The following SLIT3 variants were observed in gnomAD, a reference collection of about 807,000 sequenced individuals.
SLIT3 encodes the protein slit guidance ligand 3.
A neutral mutation model predicts 184.0 loss-of-function variants in SLIT3; 68 were observed. The observed-to-expected ratio is 0.37, with a 90% CI of 0.30 to 0.45. The LOEUF is 0.45. Ranked by LOEUF, SLIT3 falls within the 20% of genes least tolerant of loss-of-function variation. SLIT3 has a pLI of 1.00. For synonymous variants in SLIT3, 831 were observed against 828.6 expected (o/e 1.00, Z -0.05); for missense variants, 1,707 against 2,026.0 (o/e 0.84, Z 3.02).
At chr5:168,923,501 C>T (rs1200761802) in intron 4 of SLIT3, among the ~76,000 whole-genome samples, 2 of 151,074 alleles carry the variant, frequency 1.3e-5, no homozygotes, top group Non-Finnish European at 2.9e-5. Flanking sequence ...ATTAGGTAAC[C>T]CCCTTCCTAA....
At chr5:168,993,367 C>T (rs1283956060) in intron 4 of SLIT3, among the ~76,000 whole-genome samples, 1 of 152,210 alleles carries the variant, frequency 6.6e-6, no homozygotes, top group East Asian at 1.9e-4. Context: ...CCATGGCACC[C>T]CGCCTACAGG....
intron 4 of SLIT3, among the ~76,000 whole-genome samples, chr5:168,894,533 G>A (rs1424062865): frequency 6.6e-6 from 1 of 152,130 alleles, no homozygotes; most frequent in Non-Finnish European, 1.5e-5. Context: ...CAACCCTGGT[G>A]GCATACCATG....
intron 5 of SLIT3, among the ~76,000 whole-genome samples, chr5:168,865,751 T>C (rs1388013919): frequency 6.6e-6 from 1 of 152,224 alleles, no homozygotes; most frequent in Non-Finnish European, 1.5e-5. Flanking sequence ...CTATCACTTA[T>C]AGTTGACAAT....
intron 4 of SLIT3, among the ~76,000 whole-genome samples, chr5:169,109,098 A>C (rs2113253234): frequency 6.6e-6 from 1 of 152,326 alleles, no homozygotes; most frequent in South Asian, 2.1e-4. Context: ...GATGAGGCTA[A>C]GTTATATAGC....
intron 3 of SLIT3, among the ~76,000 whole-genome samples, chr5:169,226,458 A>G (rs995169201): frequency 6.6e-6 from 1 of 152,120 alleles, no homozygotes; most frequent in African/African-American, 2.4e-5. Context: ...ACACACTAAG[A>G]GGGGCCTGAG....
At chr5:169,186,124 C>T (rs953349893) in intron 4 of SLIT3, among the ~76,000 whole-genome samples, 5 of 152,142 alleles carry the variant, frequency 3.3e-5, no homozygotes, top group Non-Finnish European at 4.4e-5. Flanking sequence ...CCTCCCTCCC[C>T]GAAATGCTTA....
chr5:169,039,133 T>C (rs1757359776), intron 4 of SLIT3, among the ~76,000 whole-genome samples: 1 of 152,074 alleles, frequency 6.6e-6, no homozygotes, highest in African/African-American at 2.4e-5. Flanking sequence ...TGTGCCATAT[T>C]GTAGACCCAG....
chr5:169,296,076 A>C (rs542088989), intron 1 of SLIT3, among the ~76,000 whole-genome samples: 1 of 152,224 alleles, frequency 6.6e-6, no homozygotes, highest in Non-Finnish European at 1.5e-5. Flanking sequence ...ATATTAGTTC[A>C]TAAAATCCAA....
chr5:169,231,673 T>C (rs1029222866), intron 3 of SLIT3, among the ~76,000 whole-genome samples: 1 of 152,178 alleles, frequency 6.6e-6, no homozygotes, highest in African/African-American at 2.4e-5. Flanking sequence ...GATATGAACA[T>C]TCCTGTGTAT....
At chr5:169,137,305 TACACACAC>T (rs747552567) in intron 4 of SLIT3, among the ~76,000 whole-genome samples, 1 of 136,110 alleles carries the variant, frequency 7.3e-6, no homozygotes, top group South Asian at 2.5e-4. Context: ...TCTATCTACA[TACACACAC>T]ACACACACAC....
intron 4 of SLIT3, among the ~76,000 whole-genome samples, chr5:168,967,735 C>T (rs1212264285): frequency 8.6e-5 from 12 of 140,286 alleles, no homozygotes; most frequent in African/African-American, 2.7e-4. Flanking sequence ...CCACCGCGCC[C>T]GGCCCATCTC....
rs1408227610 is a variant in SLIT3 at position 168,747,375 on chromosome 5, T to TCACACCCATTTTG, written c.2270+914_2270+926dup. Reference sequence around the variant, plus strand: ...ACCACGAGCCCCGTGAGTGTAGGGGTCACACCCATTTTGCTCGCCATTGTC... The same window carrying TCACACCCATTTTG: ...ACCACGAGCCCCGTGAGTGTAGGGGTCACACCCATTTTGCACACCCATTTTGCTCGCCATTGTC... On this transcript the variant is annotated intron_variant, in intron 20 of 35. Coordinates refer to ENST00000519560, the MANE Select transcript of SLIT3 (RefSeq NM_003062.4). Among the ~76,000 whole-genome samples, 5 of 152,242 alleles carry TCACACCCATTTTG rather than the reference T, an allele frequency of 3.3e-5. No homozygotes were observed. The South Asian group carries it at 1.0e-3, about 32-fold the overall frequency.
intron 3 of SLIT3, among the ~76,000 whole-genome samples, chr5:169,219,413 C>G (rs974380116): frequency 6.6e-6 from 1 of 152,236 alleles, no homozygotes; most frequent in Non-Finnish European, 1.5e-5. Context: ...AACTGAAGCT[C>G]GGAAAACTGA....
intron 6 of SLIT3, among the ~76,000 whole-genome samples, chr5:168,839,203 C>G (rs1006645765): frequency 7.2e-5 from 11 of 152,152 alleles, no homozygotes; most frequent in Non-Finnish European, 1.5e-4. Context: ...TGTGTGTCCA[C>G]TCCATCATGC....
In SLIT3 at chr5:169,132,388, G is replaced by T. The variant is rs540587903; in HGVS notation, c.413+61091C>A. On this transcript the variant is annotated intron_variant, in intron 4 of 35. Transcript: ENST00000519560. ...TGTGTTATATCCATTAAAACACAGG[G>T]TTGAGGTGCCAGTTAGACATATTTT... is the stretch of plus-strand genomic sequence containing the variant. 2.6e-5 allele frequency among the ~76,000 whole-genome samples: 4 copies of T among 152,272 alleles called. No individual in the cohort carries two copies. In the East Asian group the frequency reaches 7.7e-4, roughly 29 times the overall value.
intron 4 of SLIT3, among the ~76,000 whole-genome samples, chr5:169,016,674 C>A (rs1756392723): frequency 6.6e-6 from 1 of 152,154 alleles, no homozygotes; most frequent in Non-Finnish European, 1.5e-5. Flanking sequence ...AGATCAACGA[C>A]AGCACAGTGT....
intron 4 of SLIT3, among the ~76,000 whole-genome samples, chr5:168,928,366 T>C (rs1369270786): frequency 6.6e-6 from 1 of 152,210 alleles, no homozygotes; most frequent in African/African-American, 2.4e-5. Context: ...CGTTCTTCTG[T>C]ATAGCACTAA....
chr5:169,011,202 C>T (rs1288251480), intron 4 of SLIT3, among the ~76,000 whole-genome samples: 1 of 152,190 alleles, frequency 6.6e-6, no homozygotes, highest in East Asian at 1.9e-4. Flanking sequence ...CCAGAAATGA[C>T]ATCACCGAGT....
intron 11 of SLIT3, among the ~76,000 whole-genome samples, chr5:168,788,777 A>G (rs1756251553): frequency 1.3e-5 from 2 of 152,134 alleles, no homozygotes; most frequent in African/African-American, 4.8e-5. Context: ...TAAACTTGAC[A>G]GACTCCTAGA....
Sources: gnomAD v4.1 joint callset for allele counts (sites outside exome capture counted in the v4.1 genomes callset) on GRCh38, gnomAD v4.1.1 for gene constraint, MANE v1.5 for transcripts, NCBI Gene and HGNC (gene_info 2026-07-23, HGNC 2026-07-21) for gene names.